Variants in RAMP1 observed in about 807,000 individuals in gnomAD.
The protein encoded by RAMP1 is receptor activity-modifying protein 1.
Under a neutral mutation model 8.2 loss-of-function variants are expected in RAMP1, and 7 were observed. The ratio of observed to expected loss-of-function variants is 0.85; its 90% CI spans 0.49 to 1.60. RAMP1 has a LOEUF of 1.60. Among genes scored for constraint, RAMP1 ranks in the 40% most tolerant of loss-of-function variants. The pLI, the probability that RAMP1 is intolerant of heterozygous loss-of-function variation, is 0.00. For synonymous variants in RAMP1, 92 were observed against 84.7 expected, an observed-to-expected ratio of 1.09 and a Z score of -0.47; for missense variants, 192 against 202.4, an observed-to-expected ratio of 0.95 and a Z score of 0.31.
chr2:237,871,826 ACT>A, intron 1 of RAMP1, among the ~76,000 whole-genome samples: 1 of 152,308 alleles, frequency 6.6e-6, no homozygotes, highest in South Asian at 2.1e-4. Flanking sequence ...GCGCCAGTGC[ACT>A]CCAACCTAGG....
chr2:237,874,917 C>T (rs1490906198), intron 1 of RAMP1, among the ~76,000 whole-genome samples: 2 of 152,026 alleles, frequency 1.3e-5, no homozygotes, highest in Admixed American at 6.5e-5. Context: ...TAGGATCAGC[C>T]GGGGGCCTCT....
chr2:237,859,935 G>T (rs2062116260), intron 1 of RAMP1: 2 of 469,790 alleles, frequency 4.3e-6, no homozygotes, highest in East Asian at 3.7e-5. Flanking sequence ...GCGGACCGGT[G>T]TTGCGCTTCT....
chr2:237,902,351 G>T (rs1389501798), intron 2 of RAMP1, among the ~76,000 whole-genome samples: 2 of 149,306 alleles, frequency 1.3e-5, no homozygotes, highest in Non-Finnish European at 3.0e-5. Flanking sequence ...GGAGGGGCTG[G>T]GAGGAGGAGG....
chr2:237,880,058 C>T (rs910357476), intron 2 of RAMP1, among the ~76,000 whole-genome samples: 24 of 150,926 alleles, frequency 1.6e-4, no homozygotes, highest in African/African-American at 5.6e-4. Flanking sequence ...ATCACAACAG[C>T]ATCTCAGCAC....
intron 2 of RAMP1, among the ~76,000 whole-genome samples, chr2:237,897,779 G>T (rs1186502201): frequency 1.2e-5 from 1 of 85,906 alleles, no homozygotes; most frequent in Non-Finnish European, 3.0e-5. Context: ...TGGTTTTTTG[G>T]GGGGGGGTTT....
intron 1 of RAMP1, among the ~76,000 whole-genome samples, chr2:237,870,765 C>T (rs895916424): frequency 6.6e-6 from 1 of 152,042 alleles, no homozygotes; most frequent in Non-Finnish European, 1.5e-5. Context: ...CCACCAGGTT[C>T]CTAAGGTTGG....
Position 237,911,996 on chromosome 2 carries a change from G to T in RAMP1, c.*213G>T. 1 of 765,000 alleles carries T rather than the reference G, an allele frequency of 1.3e-6. No homozygotes were observed. Among genetic ancestry groups the T allele is most frequent in the Non-Finnish European group, 2.0e-6 (1 of 490,420 alleles). 47.4% of individuals were successfully genotyped at this position (765,000 alleles called of 1,614,324 possible). A position where few individuals can be genotyped will look rare whatever the true frequency, so the allele number is the denominator to read the frequency against. On this transcript the variant is annotated 3_prime_UTR_variant, in exon 3 of 3. Transcript: ENST00000254661. Reference sequence around the variant, plus strand: ...GGAGGCCACCGCCACCCTAGGAAGGGGGCAGGGACGTGACCTTGACTTACC... The same window carrying T: ...GGAGGCCACCGCCACCCTAGGAAGGTGGCAGGGACGTGACCTTGACTTACC...
chr2:237,888,589 T>C (rs1352302034), intron 2 of RAMP1, among the ~76,000 whole-genome samples: 4 of 152,218 alleles, frequency 2.6e-5, no homozygotes, highest in African/African-American at 9.6e-5. Context: ...TTGTTTTTTC[T>C]CAAGTGCAAG....
chr2:237,859,748 C>T, intron 1 of RAMP1, 21 bp downstream of exon 1: 1 of 1,488,914 alleles, frequency 6.7e-7, no homozygotes, highest in South Asian at 1.3e-5. Flanking sequence ...CCAGGGGTCC[C>T]GGCCGAGCTC....
At chr2:237,907,220 T>C (rs1321246901) in intron 2 of RAMP1, among the ~76,000 whole-genome samples, 1 of 152,186 alleles carries the variant, frequency 6.6e-6, no homozygotes, top group Non-Finnish European at 1.5e-5. Context: ...GACCTCAAGA[T>C]TTTTTCCTTT....
chr2:237,859,590 G>A (rs989040231), upstream of RAMP1: 35 of 1,023,304 alleles, frequency 3.4e-5, no homozygotes, highest in Non-Finnish European at 4.2e-5. Flanking sequence ...CGCCCCCGGC[G>A]CGTCTCCTCC....
chr2:237,864,151 CCCGTGGCCTGGG>C (rs143081820), intron 1 of RAMP1, among the ~76,000 whole-genome samples: 13,550 of 148,914 alleles, frequency 0.091, 1,067 homozygotes, highest in African/African-American at 0.22. Context: ...AGTGACCTGG[CCCGTGGCCTGGG>C]CCAGCTCACT....
chr2:237,862,687 C>T lies in RAMP1; in HGVS notation c.52+2960C>T, dbSNP rs2062143842. ...CCCCTCGGGCTTGCCTGCCAGTGCCCCTGCCAGTGCCCCCACCCCCAACTC... is the reference window on the plus strand; with the variant it reads ...CCCCTCGGGCTTGCCTGCCAGTGCCTCTGCCAGTGCCCCCACCCCCAACTC... On this transcript the variant is annotated intron_variant, in intron 1 of 2. Coordinates refer to ENST00000254661, the MANE Select transcript of RAMP1 (RefSeq NM_005855.4). The surrounding 1 kb of genome is among the most constrained non-coding windows in gnomAD (Gnocchi z 4.0). 1.3e-5 allele frequency among the ~76,000 whole-genome samples: 2 copies of T among 152,162 alleles called. No individual in the cohort carries two copies. Among genetic ancestry groups the T allele is most frequent in the South Asian group, 2.1e-4 (1 of 4,830 alleles).
intron 2 of RAMP1, among the ~76,000 whole-genome samples, chr2:237,899,807 G>A (rs1273428199): frequency 6.6e-6 from 1 of 152,192 alleles, no homozygotes; most frequent in Admixed American, 6.5e-5. Context: ...AGTGGCTCAC[G>A]CCTCCCACAC....
chr2:237,910,279 C>T (rs2062696752), intron 2 of RAMP1, among the ~76,000 whole-genome samples: 2 of 151,598 alleles, frequency 1.3e-5, no homozygotes, highest in Admixed American at 1.3e-4. Context: ...ATAACACAGT[C>T]ACACACCCAC....
intron 2 of RAMP1, among the ~76,000 whole-genome samples, chr2:237,887,349 G>A (rs1403841732): frequency 1.3e-5 from 2 of 152,228 alleles, no homozygotes; most frequent in African/African-American, 2.4e-5. Context: ...CCTCCAGGGA[G>A]CAGTGGCACC....
chr2:237,892,735 TTC>T (rs35656622), intron 2 of RAMP1, among the ~76,000 whole-genome samples: 192 of 148,456 alleles, frequency 1.3e-3, no homozygotes, highest in East Asian at 1.8e-3. Context: ...GGGCTTCCTC[TTC>T]TCTCTCTCTC....
At chr2:237,872,260 G>A (rs747328869) in intron 1 of RAMP1, among the ~76,000 whole-genome samples, 30 of 152,218 alleles carry the variant, frequency 2.0e-4, no homozygotes, top group Non-Finnish European at 3.2e-4. Context: ...GCTGCCGGGG[G>A]CACCTCGTGC....
In RAMP1 at chr2:237,865,509, T is replaced by G. The variant is rs2062178949; in HGVS notation, c.52+5782T>G. Reference sequence around the variant, plus strand: ...AACATGCCTCAAAAACCACCGTTTCTCTGAGATGCAGATTTCGCAGGGCCT... The same window carrying G: ...AACATGCCTCAAAAACCACCGTTTCGCTGAGATGCAGATTTCGCAGGGCCT... On this transcript the variant is annotated intron_variant, in intron 1 of 2. Transcript: ENST00000254661. This position sits in a 1 kb window ranked among gnomAD's most constrained non-coding sequence, Gnocchi z 4.2. Among the ~76,000 whole-genome samples, 1 of 152,088 alleles carries G rather than the reference T, an allele frequency of 6.6e-6. No individual in the cohort carries two copies. Among genetic ancestry groups the G allele is most frequent in the South Asian group, 2.1e-4 (1 of 4,830 alleles).
Sources: allele counts gnomAD v4.1 joint callset (sites outside exome capture counted in the v4.1 genomes callset), GRCh38; gene constraint gnomAD v4.1.1; non-coding constraint Gnocchi (gnomAD v3.1); transcripts MANE v1.5; gene names NCBI Gene and HGNC (gene_info 2026-07-23, HGNC 2026-07-21).